Variants in AGAP1 observed in about 807,000 individuals in gnomAD.
AGAP1 encodes the protein ArfGAP with GTPase domain, ankyrin repeat and PH domain 1, also known as arf-GAP with GTPase, ANK repeat and PH domain-containing protein 1.
In AGAP1, 29 loss-of-function variants were observed where a neutral mutation model predicts 105.3. The ratio of observed to expected loss-of-function variants is 0.28; its 90% CI spans 0.21 to 0.38. AGAP1 has a LOEUF of 0.38. AGAP1 is among the 10% of genes least tolerant of loss of function. The pLI, the probability that AGAP1 is intolerant of heterozygous loss-of-function variation, is 1.00. For missense variants in AGAP1, 998 were observed against 1,165.1 expected (o/e 0.86, Z 2.09); for synonymous variants, 509 against 485.9 (o/e 1.05, Z -0.63).
At chr2:235,526,827 A>G (rs922622016) in intron 1 of AGAP1, among the ~76,000 whole-genome samples, 4 of 152,170 alleles carry the variant, frequency 2.6e-5, no homozygotes, top group Non-Finnish European at 4.4e-5. Flanking sequence ...CTAAAAATTA[A>G]AAGTACCACA....
chr2:235,587,346 T>C (rs889266917), intron 1 of AGAP1, among the ~76,000 whole-genome samples: 40 of 152,164 alleles, frequency 2.6e-4, no homozygotes, highest in African/African-American at 7.7e-4. Flanking sequence ...CAGTTGCGCA[T>C]CCTCCTTGTA....
At chr2:235,645,501 AAG>A (rs1947342954) in intron 1 of AGAP1, among the ~76,000 whole-genome samples, 2 of 152,296 alleles carry the variant, frequency 1.3e-5, no homozygotes. Flanking sequence ...TTAGGTTGGA[AAG>A]AGATGCTTCT....
chr2:236,107,081 G>C (rs1180151503), intron 16 of AGAP1, among the ~76,000 whole-genome samples: 1 of 152,222 alleles, frequency 6.6e-6, no homozygotes, highest in Non-Finnish European at 1.5e-5. Flanking sequence ...TGCAGCAGCT[G>C]CTTTCTGTCC....
intron 13 of AGAP1, among the ~76,000 whole-genome samples, chr2:236,008,479 C>G (rs1456596256): frequency 1.3e-5 from 2 of 152,242 alleles, no homozygotes; most frequent in Non-Finnish European, 2.9e-5. Flanking sequence ...AAGTTATACT[C>G]TACTTCAACT....
In AGAP1 at chr2:235,964,241, G is replaced by A. The variant is rs2054300587; in HGVS notation, c.1484-4221G>A. On this transcript the variant is annotated intron_variant, in intron 12 of 17. Transcript: ENST00000304032. The surrounding 1 kb of genome is among the most constrained non-coding windows in gnomAD (Gnocchi z 4.6). Reference sequence around the variant, plus strand: ...TGAACATGGCCTGTCGAAATGAGAGGACACCCAAGGGACAGAGTAAAATAA... The same window carrying A: ...TGAACATGGCCTGTCGAAATGAGAGAACACCCAAGGGACAGAGTAAAATAA... Among the ~76,000 whole-genome samples, 2 of 152,126 alleles carry A rather than the reference G, an allele frequency of 1.3e-5. No individual in the cohort carries two copies. The highest frequency in any genetic ancestry group is 4.8e-5 in the African/African-American group (2 of 41,410).
intron 13 of AGAP1, among the ~76,000 whole-genome samples, chr2:236,015,857 G>T (rs1039234785): frequency 2.0e-5 from 3 of 152,082 alleles, no homozygotes; most frequent in African/African-American, 7.2e-5. Context: ...TGATTTTAGC[G>T]ATTGCCAAGC....
chr2:235,857,031 A>G (rs907258732), intron 9 of AGAP1, among the ~76,000 whole-genome samples: 1 of 152,178 alleles, frequency 6.6e-6, no homozygotes, highest in Non-Finnish European at 1.5e-5. Context: ...AGTGATCTCC[A>G]TGGAGACGCA....
In AGAP1 at chr2:235,723,607, T is replaced by C. The variant is rs1951497629; in HGVS notation, c.310+5963T>C. Among the ~76,000 whole-genome samples the C allele has an allele frequency of 6.6e-6, 1 of 152,170 alleles. No homozygotes were observed. The highest frequency in any genetic ancestry group is 2.1e-4 in the South Asian group (1 of 4,826). The stretch of plus-strand genomic sequence containing the variant: ...CTGGGCCATGGGCCCTCCCGAGCTG[T>C]GCAGGTTAGCTTGTGTGCCAGAAGG... On this transcript the variant is annotated intron_variant, in intron 3 of 17. Coordinates refer to ENST00000304032, the MANE Select transcript of AGAP1 (RefSeq NM_001037131.3). The surrounding 1 kb of genome is among the most constrained non-coding windows in gnomAD (Gnocchi z 6.2).
At chr2:235,649,436 T>A (rs1230417782) in intron 1 of AGAP1, among the ~76,000 whole-genome samples, 1 of 152,228 alleles carries the variant, frequency 6.6e-6, no homozygotes, top group East Asian at 1.9e-4. Flanking sequence ...TGTAGTGGTA[T>A]GACTGTAGCT....
chr2:235,680,437 C>T (rs1575110212), intron 1 of AGAP1, among the ~76,000 whole-genome samples: 2 of 152,066 alleles, frequency 1.3e-5, no homozygotes, highest in South Asian at 2.1e-4. Flanking sequence ...GAAGCACCCT[C>T]GTGTCCATTT....
At chr2:235,505,848 C>G (rs865940270) in intron 1 of AGAP1, 2 of 151,566 alleles carry the variant, frequency 1.3e-5, no homozygotes, top group Middle Eastern at 6.8e-3. Flanking sequence ...CGAGAGCAGG[C>G]TGGGAGACCT....
rs1293569631 is a variant in AGAP1, at chr2:235,970,184, C to T, written c.1645+1561C>T. Among the ~76,000 whole-genome samples, 3 of 130,672 alleles carry T rather than the reference C, an allele frequency of 2.3e-5. No individual in the cohort carries two copies. Among genetic ancestry groups the T allele is most frequent in the East Asian group, 2.2e-4 (1 of 4,452 alleles). 85.7% of individuals were successfully genotyped at this position (130,672 alleles called of 152,430 possible). A position where few individuals can be genotyped will look rare whatever the true frequency, so the allele number is the denominator to read the frequency against. ...GCCACTGCACTCCAGCCTGGGCGGG[C>T]GACAGAGTGAGACTCTGTCTTTAAA... On this transcript the variant is annotated intron_variant, in intron 13 of 17. Coordinates refer to ENST00000304032, the MANE Select transcript of AGAP1 (RefSeq NM_001037131.3). This position sits in a 1 kb window ranked among gnomAD's most constrained non-coding sequence, Gnocchi z 5.4.
intron 16 of AGAP1, among the ~76,000 whole-genome samples, chr2:236,094,912 C>T (rs1203476183): frequency 2.9e-5 from 4 of 137,302 alleles, no homozygotes; most frequent in Non-Finnish European, 6.1e-5. Context: ...CAGCAAGAGA[C>T]CCCATCTCTA....
In AGAP1 at chr2:235,732,122, G is replaced by C. The variant is rs1042363618; in HGVS notation, c.311-8841G>C. ...GATCTGCGGATTCAGATCTTTCTGC[G>C]TCTCAGGAACATTCCTTTGTCTTTT... On this transcript the variant is annotated intron_variant, in intron 3 of 17. Coordinates refer to ENST00000304032, the MANE Select transcript of AGAP1 (RefSeq NM_001037131.3). The surrounding 1 kb of genome is among the most constrained non-coding windows in gnomAD (Gnocchi z 4.8). Among the ~76,000 whole-genome samples the C allele has an allele frequency of 2.0e-5, 3 of 152,138 alleles. No homozygotes were observed. Among genetic ancestry groups the C allele is most frequent in the Non-Finnish European group, 4.4e-5 (3 of 68,014 alleles).
chr2:235,892,019 T>C (rs1380293787), intron 10 of AGAP1, among the ~76,000 whole-genome samples: 1 of 152,108 alleles, frequency 6.6e-6, no homozygotes, highest in African/African-American at 2.4e-5. Context: ...CCAGGTGTGC[T>C]GGTGGGTGCC....
chr2:235,643,457 A>AAAAAG (rs1553595203), intron 1 of AGAP1, among the ~76,000 whole-genome samples: 9 of 140,478 alleles, frequency 6.4e-5, no homozygotes, highest in East Asian at 4.2e-4. Context: ...AAAAAAAAAA[A>AAAAAG]AAAGAAAGAA....
chr2:235,649,664 G>A (rs1211648042), intron 1 of AGAP1, among the ~76,000 whole-genome samples: 1 of 152,194 alleles, frequency 6.6e-6, no homozygotes, highest in Non-Finnish European at 1.5e-5. Context: ...GAGCCACAGT[G>A]GCTGGCCGAG....
chr2:235,939,354 G>A (rs563100867), intron 12 of AGAP1, among the ~76,000 whole-genome samples: 1 of 151,876 alleles, frequency 6.6e-6, no homozygotes, highest in Admixed American at 6.6e-5. Flanking sequence ...TTGGACATGG[G>A]GTAGGGCATC....
At chr2:235,938,558 G>A (rs1232587318) in intron 12 of AGAP1, among the ~76,000 whole-genome samples, 2 of 152,168 alleles carry the variant, frequency 1.3e-5, no homozygotes, top group African/African-American at 4.8e-5. Flanking sequence ...TTGAATTCAG[G>A]CTCAACAAAC....
Sources: allele counts gnomAD v4.1 joint callset (sites outside exome capture counted in the v4.1 genomes callset), GRCh38; gene constraint gnomAD v4.1.1; non-coding constraint Gnocchi (gnomAD v3.1); transcripts MANE v1.5; gene names NCBI Gene and HGNC (gene_info 2026-07-23, HGNC 2026-07-21).